Variants in RSPH14 observed in about 807,000 individuals in gnomAD.
The protein encoded by RSPH14 is radial spoke head 14 homolog, also known as rhabdoid tumor deletion region gene 1.
A neutral mutation model predicts 26.7 loss-of-function variants in RSPH14; 20 were observed. The observed-to-expected ratio is 0.75, with a 90% CI of 0.53 to 1.09. The LOEUF is 1.09. Ranked by LOEUF, RSPH14 falls within the 50% of genes least tolerant of loss-of-function variation. The pLI is 0.00. For missense variants in RSPH14, 449 were observed against 457.2 expected, an observed-to-expected ratio of 0.98 and a Z score of 0.16; for synonymous variants, 177 against 189.3, an observed-to-expected ratio of 0.93 and a Z score of 0.53.
intron 4 of RSPH14, among the ~76,000 whole-genome samples, chr22:23,118,824 A>G (rs1255755425): frequency 6.6e-6 from 1 of 152,210 alleles, no homozygotes; most frequent in African/African-American, 2.4e-5. Flanking sequence ...CAGCAGGACA[A>G]TGTTTAACCC....
At chr22:23,122,762 C>A in intron 4 of RSPH14, 1 of 346,858 alleles carries the variant, frequency 2.9e-6, no homozygotes, top group Non-Finnish European at 5.3e-6. Context: ...GCTGGAGGTG[C>A]CCAGCGGTTT....
At chr22:23,107,336 C>T (rs1237485849) in intron 4 of RSPH14, among the ~76,000 whole-genome samples, 2 of 152,148 alleles carry the variant, frequency 1.3e-5, no homozygotes, top group East Asian at 3.9e-4. Flanking sequence ...AAAATGGGCC[C>T]CTCCCAAGCT....
chr22:23,176,828 C>T, the RSPH14 span, among the ~76,000 whole-genome samples: 3 of 152,186 alleles, frequency 2.0e-5, no homozygotes, highest in Non-Finnish European at 4.4e-5. Context: ...CAAGTCACCC[C>T]GCTTCCTGTG....
intron 4 of RSPH14, among the ~76,000 whole-genome samples, chr22:23,090,306 C>T (rs1308580800): frequency 1.3e-5 from 2 of 152,136 alleles, no homozygotes; most frequent in Non-Finnish European, 1.5e-5. Flanking sequence ...TCCCACCCAG[C>T]CGCCACTCCA....
At chr22:23,074,514 G>T (rs1023477001) in intron 4 of RSPH14, among the ~76,000 whole-genome samples, 2 of 152,194 alleles carry the variant, frequency 1.3e-5, no homozygotes, top group African/African-American at 4.8e-5. Context: ...CCATTGATGG[G>T]CACATGTGGC....
At chr22:23,150,304 CTTTTTTTT>C in the RSPH14 span, 1 of 378,598 alleles carries the variant, frequency 2.6e-6, no homozygotes, top group Admixed American at 4.2e-5. Flanking sequence ...TTTTTTTTTT[CTTTTTTTT>C]TTTTTTTGAG....
upstream of RSPH14, among the ~76,000 whole-genome samples, chr22:23,148,493 G>T (rs1032824872): frequency 1.3e-5 from 2 of 152,170 alleles, no homozygotes; most frequent in African/African-American, 4.8e-5. Context: ...ACCTGGCCGT[G>T]TCTGGCTCCA....
Position 23,063,936 on chromosome 22 carries a change from G to T in RSPH14, c.619C>A (p.Arg207Ser), listed in dbSNP as rs370735019. Reference protein sequence around the residue: ...QKLLSANQNIRSKAARALLNV... With the variant: ...QKLLSANQNISSKAARALLNV... ...AGGAGCGCACGGGCGGCCTTGCTGC[G>T]GATGTTCTGGTTGGCGCTGAGGAGC... is the stretch of plus-strand genomic sequence containing the variant. Residue 207 changes from arginine (R) to serine (S), a missense_variant, in exon 5 of 7, where the codon CGC becomes AGC. By Grantham distance (110) the Arg-to-Ser change is moderately radical. Coordinates refer to ENST00000216036, the MANE Select transcript of RSPH14 (RefSeq NM_014433.3). The T allele has an allele frequency of 6.2e-7, 1 of 1,614,188 alleles. No individual in the cohort carries two copies. The highest frequency in any genetic ancestry group is 8.5e-7 in the Non-Finnish European group (1 of 1,180,014).
the RSPH14 span, among the ~76,000 whole-genome samples, chr22:23,176,466 T>C: frequency 6.6e-6 from 1 of 152,184 alleles, no homozygotes. Flanking sequence ...ATAAATAGCA[T>C]AGGCTCCTAG....
chr22:23,175,316 A>T, the RSPH14 span, among the ~76,000 whole-genome samples: 9 of 150,742 alleles, frequency 6.0e-5, no homozygotes, highest in Admixed American at 2.6e-4. Flanking sequence ...ATTTTTTTTT[A>T]AATTACAAAA....
chr22:23,109,408 A>G (rs111977840), intron 4 of RSPH14, among the ~76,000 whole-genome samples: 4 of 152,244 alleles, frequency 2.6e-5, no homozygotes, highest in African/African-American at 9.6e-5. Context: ...TGCTCCTCTC[A>G]GGTCTTTTTG....
At chr22:23,161,355 T>A in the RSPH14 span, 2 of 801,312 alleles carry the variant, frequency 2.5e-6, no homozygotes, top group Non-Finnish European at 4.2e-6. Flanking sequence ...AGGCCCTCTC[T>A]TGGCTTGTGT....
chr22:23,109,557 C>T (rs534258067), intron 4 of RSPH14, among the ~76,000 whole-genome samples: 1 of 152,254 alleles, frequency 6.6e-6, no homozygotes, highest in African/African-American at 2.4e-5. Context: ...AGGCCTGTGG[C>T]TGGGCCAGGA....
chr22:23,100,105 G>A (rs1010695420), intron 4 of RSPH14, among the ~76,000 whole-genome samples: 1 of 152,248 alleles, frequency 6.6e-6, no homozygotes. Context: ...CACCTGTGAT[G>A]GACCTGCTGT....
intron 4 of RSPH14, among the ~76,000 whole-genome samples, chr22:23,112,065 G>T (rs571726870): frequency 6.6e-6 from 1 of 152,312 alleles, no homozygotes; most frequent in South Asian, 2.1e-4. Context: ...GACAGGCACT[G>T]CCCCTGGCAT....
chr22:23,138,688 C>A (rs977573257), intron 3 of RSPH14, 152 bp downstream of exon 3: 2 of 609,738 alleles, frequency 3.3e-6, no homozygotes, highest in Non-Finnish European at 5.5e-6. Flanking sequence ...AAAACCACCC[C>A]ACAAAGAGTC....
chr22:23,105,160 C>G (rs9612233), intron 4 of RSPH14, among the ~76,000 whole-genome samples: 119,753 of 152,168 alleles, frequency 0.79, 47,676 homozygotes, highest in East Asian at 0.96. Context: ...AGGCCGGCCA[C>G]GGCCACAGCC....
At chr22:23,124,360 G>T (rs897654405) in intron 4 of RSPH14, 3 of 458,206 alleles carry the variant, frequency 6.5e-6, no homozygotes, top group African/African-American at 2.0e-5. Flanking sequence ...GGCTTGCTGA[G>T]TGTAAAAGTT....
chr22:23,133,824 G>A (rs1400535248), intron 4 of RSPH14: 7 of 448,974 alleles, frequency 1.6e-5, no homozygotes, highest in East Asian at 5.5e-5. Context: ...TCCTGACTTC[G>A]TGATCTGCCT....
Sources: allele counts gnomAD v4.1 joint callset (sites outside exome capture counted in the v4.1 genomes callset), GRCh38; gene constraint gnomAD v4.1.1; transcripts MANE v1.5; gene names NCBI Gene and HGNC (gene_info 2026-07-23, HGNC 2026-07-21).